The following GNS variants were observed in gnomAD, a reference collection of about 807,000 sequenced individuals.
The protein encoded by GNS is N-acetylglucosamine-6-sulfatase.
A neutral mutation model predicts 69.7 loss-of-function variants in GNS; 40 were observed. The ratio of observed to expected loss-of-function variants is 0.57; its 90% CI spans 0.45 to 0.75. The LOEUF (loss-of-function observed/expected upper bound fraction) is 0.75. GNS is among the 30% of genes least tolerant of loss of function. The probability of loss-of-function intolerance (pLI) is 0.00; values close to 1 mark genes in which losing one functional copy is unlikely to be tolerated. For synonymous variants in GNS, 243 were observed against 251.6 expected (o/e 0.97, Z 0.32); for missense variants, 565 against 685.5 (o/e 0.82, Z 1.96).
intron 13 of GNS, among the ~76,000 whole-genome samples, 175 bp downstream of exon 13, chr12:64,719,845 CAA>C (rs1218991732): frequency 6.6e-6 from 1 of 152,102 alleles, no homozygotes; most frequent in Non-Finnish European, 1.5e-5. Context: ...CAGTGGAGAA[CAA>C]AAGTTTCAAA....
chr12:64,720,012 G>A lies in GNS; in HGVS notation c.1580+10C>T, dbSNP rs2136236567. ...ACTTGGCCAAGTAAATGAAGAGAAA[G>A]GAAACTTACCCGGGGTCAAAAACCC... is the stretch of plus-strand genomic sequence containing the variant. On this transcript the variant is annotated intron_variant, in intron 13 of 13. Coordinates refer to ENST00000258145, the MANE Select transcript of GNS (RefSeq NM_002076.4). The A allele has an allele frequency of 6.2e-7, 1 of 1,608,066 alleles. No homozygotes were observed. The highest frequency in any genetic ancestry group is 8.5e-7 in the Non-Finnish European group (1 of 1,174,656).
chr12:64,756,481 A>G (rs552136899), intron 1 of GNS, among the ~76,000 whole-genome samples: 6 of 152,232 alleles, frequency 3.9e-5, no homozygotes, highest in Admixed American at 1.3e-4. Context: ...ACAGTATTCT[A>G]GAATAGGAGA....
At chr12:64,758,576 G>A (rs994334038) in intron 1 of GNS, among the ~76,000 whole-genome samples, 22 of 152,110 alleles carry the variant, frequency 1.4e-4, no homozygotes, top group Admixed American at 1.2e-3. Flanking sequence ...GCCCGCCTCG[G>A]CCTCCCAAAG....
chr12:64,718,117 C>T (rs908690224), intron 13 of GNS, among the ~76,000 whole-genome samples: 6 of 152,142 alleles, frequency 3.9e-5, no homozygotes, highest in Non-Finnish European at 7.3e-5. Context: ...CTCACAGGAT[C>T]TGGTCTGATG....
chr12:64,719,725 G>A (rs1868965714), intron 13 of GNS, among the ~76,000 whole-genome samples: 1 of 152,094 alleles, frequency 6.6e-6, no homozygotes, highest in Non-Finnish European at 1.5e-5. Context: ...AGCCCCAAGT[G>A]TCACCAATGC....
chr12:64,747,975 T>A (rs1869948563), intron 2 of GNS, 57 bp from the exon 3 acceptor site: 2 of 925,014 alleles, frequency 2.2e-6, no homozygotes, highest in Non-Finnish European at 3.6e-6. Context: ...GGACTTCTCA[T>A]CATTGTTAAA....
intron 1 of GNS, among the ~76,000 whole-genome samples, chr12:64,753,408 A>G (rs1592510029): frequency 6.6e-6 from 1 of 152,330 alleles, no homozygotes; most frequent in Admixed American, 6.5e-5. Flanking sequence ...AAGTACAGAG[A>G]ACAATTAACT....
chr12:64,744,012 T>G (rs1329882268), intron 5 of GNS, among the ~76,000 whole-genome samples: 4 of 152,156 alleles, frequency 2.6e-5, no homozygotes, highest in Non-Finnish European at 4.4e-5. Flanking sequence ...TCCTTGTGGT[T>G]TCTCAAATAT....
intron 2 of GNS, among the ~76,000 whole-genome samples, chr12:64,752,138 A>G (rs1337984651): frequency 2.0e-5 from 3 of 152,100 alleles, no homozygotes; most frequent in African/African-American, 7.2e-5. Context: ...GCTAGAAAAG[A>G]GGCAGAGAGG....
intron 6 of GNS, among the ~76,000 whole-genome samples, chr12:64,742,223 T>C (rs541235909): frequency 2.6e-5 from 4 of 152,284 alleles, no homozygotes; most frequent in South Asian, 2.1e-4. Context: ...GGTTTCACTG[T>C]GTTAGCCAGG....
chr12:64,744,708 C>T (rs1227232009), intron 5 of GNS, 101 bp downstream of exon 5: 3 of 741,420 alleles, frequency 4.0e-6, no homozygotes, highest in East Asian at 2.6e-5. Flanking sequence ...ATTTATATTA[C>T]CCAACACAAA....
chr12:64,729,161 C>A, intron 9 of GNS, 104 bp from the exon 10 acceptor site: 1 of 728,800 alleles, frequency 1.4e-6, no homozygotes. Context: ...GAGACAACAG[C>A]ACTATTACCT....
intron 2 of GNS, 47 bp downstream of exon 2, chr12:64,752,651 T>C: frequency 2.1e-6 from 2 of 948,660 alleles, no homozygotes; most frequent in Non-Finnish European, 3.5e-6. Flanking sequence ...CTTCTTAGAA[T>C]ACAAACACAG....
chr12:64,728,942 G>C lies in GNS; in HGVS notation c.1200+14C>G, dbSNP rs1384237314. On this transcript the variant is annotated intron_variant, in intron 10 of 13. Coordinates refer to ENST00000258145, the MANE Select transcript of GNS (RefSeq NM_002076.4). Reference sequence around the variant, plus strand: ...CGGTCTTGGCTCAGGCCTGATTGAGGGCGCTATACTTACCAAAATGGGCAA... The same window carrying C: ...CGGTCTTGGCTCAGGCCTGATTGAGCGCGCTATACTTACCAAAATGGGCAA... 2 of 1,218,200 alleles carry C rather than the reference G, an allele frequency of 1.6e-6. No individual in the cohort carries two copies. Among genetic ancestry groups the C allele is most frequent in the Non-Finnish European group, 2.4e-6 (2 of 818,130 alleles). 75.5% of individuals were successfully genotyped at this position (1,218,200 alleles called of 1,614,324 possible). A position where few individuals can be genotyped will look rare whatever the true frequency, so the allele number is the denominator to read the frequency against.
intron 5 of GNS, 21 bp from the exon 6 acceptor site, chr12:64,743,329 T>A: frequency 1.9e-6 from 3 of 1,578,822 alleles, no homozygotes; most frequent in Non-Finnish European, 2.6e-6. Context: ...AAAAGATTTG[T>A]CATCTCCTAC....
chr12:64,722,274 T>C lies in GNS; in HGVS notation c.1309-569A>G, dbSNP rs536005519. Among the ~76,000 whole-genome samples the C allele has an allele frequency of 4.7e-4, 71 of 152,264 alleles. No individual in the cohort carries two copies. The Middle Eastern group carries it at 0.01, about 22-fold the overall frequency. On this transcript the variant is annotated intron_variant, in intron 11 of 13. Transcript: ENST00000258145. ...TTCAGGTGATCCACCCGCCTTGGCCTCCCAAAGTGCTAGGATTACAGGTGT... is the reference window on the plus strand; with the variant it reads ...TTCAGGTGATCCACCCGCCTTGGCCCCCCAAAGTGCTAGGATTACAGGTGT...
chr12:64,720,143 G>T lies in GNS; in HGVS notation c.1459C>A (p.Gln487Lys). 1 of 1,604,998 alleles carries T rather than the reference G, an allele frequency of 6.2e-7. No homozygotes were observed. Among genetic ancestry groups the T allele is most frequent in the Non-Finnish European group, 8.5e-7 (1 of 1,171,740 alleles). Residue 487 changes from glutamine (Q) to lysine (K), a missense_variant, in exon 13 of 14, where the codon CAG (glutamine) becomes AAG (lysine). Gln to Lys is a moderately conservative substitution (Grantham distance 53). Transcript: ENST00000258145. ...ATGGTTTTAGCAATGTTAGTGATCT[G>T]GTCTGGGTCTGCAGTCAGATTATAG... ...EVYNLTADPDQITNIAKTIDP... is the reference protein window; with the variant it reads ...EVYNLTADPDKITNIAKTIDP...
intron 9 of GNS, among the ~76,000 whole-genome samples, chr12:64,730,284 C>T (rs1052765801): frequency 1.3e-5 from 2 of 152,114 alleles, no homozygotes; most frequent in Non-Finnish European, 2.9e-5. Context: ...AAAGCCATTA[C>T]TTACTGACAG....
At chr12:64,734,879 G>A (rs905699992) in intron 9 of GNS, among the ~76,000 whole-genome samples, 5 of 152,180 alleles carry the variant, frequency 3.3e-5, no homozygotes, top group Non-Finnish European at 7.3e-5. Context: ...GAGGCAGGCA[G>A]ATCATGAGGT....
Sources: allele counts gnomAD v4.1 joint callset (sites outside exome capture counted in the v4.1 genomes callset), GRCh38; gene constraint gnomAD v4.1.1; transcripts MANE v1.5; gene names NCBI Gene and HGNC (gene_info 2026-07-23, HGNC 2026-07-21).